The following TBL1XR1 variants were observed in gnomAD, a reference collection of about 807,000 sequenced individuals.
TBL1XR1 encodes the protein TBL1X/Y related 1, also known as F-box-like/WD repeat-containing protein TBL1XR1.
In TBL1XR1, 5 loss-of-function variants were observed where a neutral mutation model predicts 66.9. The ratio of observed to expected loss-of-function variants is 0.07; its 90% confidence interval spans 0.04 to 0.16. TBL1XR1 has a LOEUF of 0.16. Ranked by LOEUF, TBL1XR1 falls within the 10% of genes least tolerant of loss-of-function variation. The pLI is 1.00. For missense variants in TBL1XR1, 238 were observed against 623.2 expected (o/e 0.38, Z 6.58); for synonymous variants, 210 against 206.0 (o/e 1.02, Z -0.17).
chr3:177,076,473 C>A lies in TBL1XR1; in HGVS notation c.-45-11451G>T, dbSNP rs539531490. 3.3e-5 allele frequency among the ~76,000 whole-genome samples: 5 copies of A among 152,260 alleles called. No individual in the cohort carries two copies. In the East Asian group the frequency reaches 9.6e-4, roughly 29 times the overall value. Reference sequence around the variant, plus strand: ...TTTAACTTAAGTATCTCTATAAGGACCCTATTTCCAAGTAAGATTACATTC... The same window carrying A: ...TTTAACTTAAGTATCTCTATAAGGAACCTATTTCCAAGTAAGATTACATTC... On this transcript the variant is annotated intron_variant, in intron 2 of 15. Coordinates refer to ENST00000457928, the MANE Select transcript of TBL1XR1 (RefSeq NM_024665.7).
intron 1 of TBL1XR1, among the ~76,000 whole-genome samples, chr3:177,141,040 AT>A (rs1436663951): frequency 3.3e-5 from 5 of 152,342 alleles, no homozygotes; most frequent in African/African-American, 1.2e-4. Context: ...ATAATAATAT[AT>A]TTAACTGGAA....
intron 10 of TBL1XR1, among the ~76,000 whole-genome samples, chr3:177,039,746 C>T (rs1352562375): frequency 1.3e-5 from 2 of 152,002 alleles, no homozygotes; most frequent in African/African-American, 4.8e-5. Flanking sequence ...GGCACATAAG[C>T]CAAGAATGGC....
intron 1 of TBL1XR1, among the ~76,000 whole-genome samples, chr3:177,167,761 T>C (rs1045403537): frequency 2.0e-5 from 3 of 151,990 alleles, no homozygotes; most frequent in Non-Finnish European, 4.4e-5. Context: ...AAAAACCCCA[T>C]CTCTACTAAA....
chr3:177,055,624 G>A (rs1390656948), intron 3 of TBL1XR1, among the ~76,000 whole-genome samples: 2 of 151,986 alleles, frequency 1.3e-5, no homozygotes, highest in African/African-American at 4.8e-5. Flanking sequence ...ACAACTATCT[G>A]AATATGAGTA....
intron 1 of TBL1XR1, among the ~76,000 whole-genome samples, chr3:177,148,519 G>A (rs1321007020): frequency 2.6e-5 from 4 of 151,872 alleles, no homozygotes; most frequent in Non-Finnish European, 4.4e-5. Context: ...TTCGAGACCA[G>A]CCTGACCAAT....
chr3:177,072,250 G>A lies in TBL1XR1; in HGVS notation c.-45-7228C>T, dbSNP rs185339314. ...ACTTTTTATTTAGCATAGTAATTGG[G>A]ATCCGTAGACCCCTGGAGTTCCCAA... On this transcript the variant is annotated intron_variant, in intron 2 of 15. Transcript: ENST00000457928. 5.9e-5 allele frequency among the ~76,000 whole-genome samples: 9 copies of A among 152,192 alleles called. No individual in the cohort carries two copies. In the East Asian group the frequency reaches 1.5e-3, roughly 26 times the overall value.
At chr3:177,076,993 C>T (rs986424613) in intron 2 of TBL1XR1, among the ~76,000 whole-genome samples, 7 of 152,186 alleles carry the variant, frequency 4.6e-5, no homozygotes, top group Non-Finnish European at 7.3e-5. Context: ...TCTTGCTCAA[C>T]GAGCATGTCC....
intron 1 of TBL1XR1, among the ~76,000 whole-genome samples, chr3:177,111,465 A>G (rs1241135120): frequency 1.3e-5 from 2 of 151,892 alleles, no homozygotes; most frequent in Non-Finnish European, 2.9e-5. Context: ...TAGAGACAAA[A>G]TAGCTGGGAG....
At chr3:177,170,066 G>A (rs1487419851) in intron 1 of TBL1XR1, among the ~76,000 whole-genome samples, 1 of 152,110 alleles carries the variant, frequency 6.6e-6, no homozygotes, top group Non-Finnish European at 1.5e-5. Context: ...CTATTCCACT[G>A]TTCCACTGTT....
At chr3:177,179,569 T>G (rs1260375945) in intron 1 of TBL1XR1, among the ~76,000 whole-genome samples, 2 of 152,204 alleles carry the variant, frequency 1.3e-5, no homozygotes, top group Non-Finnish European at 2.9e-5. Flanking sequence ...CCAAAGTTTC[T>G]CCCAGGAGTG....
chr3:177,037,805 C>T (rs1012909871), intron 12 of TBL1XR1: 4 of 246,578 alleles, frequency 1.6e-5, no homozygotes, highest in African/African-American at 9.1e-5. Flanking sequence ...TCCATCCATC[C>T]ATCTTCTTAT....
intron 1 of TBL1XR1, among the ~76,000 whole-genome samples, chr3:177,128,088 G>A (rs533225417): frequency 5.5e-4 from 84 of 152,052 alleles, no homozygotes; most frequent in African/African-American, 2.0e-3. Flanking sequence ...GCGTGGTGGT[G>A]CACACCTATA....
intron 1 of TBL1XR1, among the ~76,000 whole-genome samples, chr3:177,142,954 T>C (rs1322912495): frequency 6.6e-6 from 1 of 152,052 alleles, no homozygotes; most frequent in Non-Finnish European, 1.5e-5. Flanking sequence ...AGCCATCATA[T>C]GGCAAACAAA....
In TBL1XR1 at chr3:177,105,545, G is replaced by T. The variant is rs183119016; in HGVS notation, c.-121-7004C>A. Reference sequence around the variant, plus strand: ...CTAAGGTTTGAATATCTGATTCAAGGTATTAAGAATCTGAATAGCTAATTA... The same window carrying T: ...CTAAGGTTTGAATATCTGATTCAAGTTATTAAGAATCTGAATAGCTAATTA... On this transcript the variant is annotated intron_variant, in intron 1 of 15. Transcript: ENST00000457928. Among the ~76,000 whole-genome samples, 44 of 152,314 alleles carry T rather than the reference G, an allele frequency of 2.9e-4. No individual in the cohort carries two copies. The East Asian group carries it at 8.3e-3, about 29-fold the overall frequency.
At chr3:177,049,221 AG>A (rs1407971997) in intron 7 of TBL1XR1, among the ~76,000 whole-genome samples, 1 of 152,228 alleles carries the variant, frequency 6.6e-6, no homozygotes, top group African/African-American at 2.4e-5. Context: ...AAGTCCACAA[AG>A]GGTTGTTAAA....
chr3:177,098,618 A>C (rs900383482), intron 1 of TBL1XR1, 77 bp from the exon 2 acceptor site: 1 of 755,966 alleles, frequency 1.3e-6, no homozygotes, highest in African/African-American at 1.9e-5. Context: ...ACCAAATGTT[A>C]CATGTTTGAA....
chr3:177,088,724 A>AG (rs1722464909), intron 2 of TBL1XR1, among the ~76,000 whole-genome samples: 1 of 150,546 alleles, frequency 6.6e-6, no homozygotes, highest in Non-Finnish European at 1.5e-5. Flanking sequence ...AAAAAAAAAA[A>AG]GAAAAGAAAA....
At chr3:177,197,767 G>A (rs1415493805), upstream of TBL1XR1, among the ~76,000 whole-genome samples, 1 of 147,272 alleles carries the variant, frequency 6.8e-6, no homozygotes, top group Non-Finnish European at 1.5e-5. Flanking sequence ...GCGGCACTGG[G>A]GGCTGGGCTG....
intron 1 of TBL1XR1, among the ~76,000 whole-genome samples, chr3:177,152,376 C>T (rs1730994489): frequency 6.6e-6 from 1 of 151,992 alleles, no homozygotes. Flanking sequence ...AGTGCAATGG[C>T]GCGATCTCAG....
Sources: gnomAD v4.1 joint callset for allele counts (sites outside exome capture counted in the v4.1 genomes callset) on GRCh38, gnomAD v4.1.1 for gene constraint, MANE v1.5 for transcripts, NCBI Gene and HGNC (gene_info 2026-07-23, HGNC 2026-07-21) for gene names.